GAB2: variants seen among roughly 807,000 people sequenced by gnomAD.
The protein encoded by GAB2 is GRB2 associated binding protein 2.
Under a neutral mutation model 65.5 loss-of-function variants are expected in GAB2, and 26 were observed. The observed-to-expected ratio is 0.40, with a 90% confidence interval of 0.29 to 0.55. The LOEUF is 0.55. Ranked by LOEUF, GAB2 falls within the 20% of genes least tolerant of loss-of-function variation. The pLI is 0.53. For missense variants in GAB2, 884 were observed against 875.8 expected (o/e 1.01, Z -0.12); for synonymous variants, 321 against 329.6 (o/e 0.97, Z 0.28).
rs1565181791 is a variant in GAB2 at position 78,388,953 on chromosome 11, C to A, written c.75+28693G>T. Reference sequence around the variant, plus strand: ...AGAAATGAACTAGGGATGTATTGGTCAGAAAAGATCTTTCTCCTAGAAATC... The same window carrying A: ...AGAAATGAACTAGGGATGTATTGGTAAGAAAAGATCTTTCTCCTAGAAATC... On this transcript the variant is annotated intron_variant, in intron 1 of 9. Coordinates refer to ENST00000361507, the MANE Select transcript of GAB2 (RefSeq NM_080491.3). Among the ~76,000 whole-genome samples, 3 of 152,154 alleles carry A rather than the reference C, an allele frequency of 2.0e-5. No homozygotes were observed. The South Asian group carries it at 6.2e-4, about 32-fold the overall frequency.
chr11:78,238,477 T>C (rs1865046761), intron 3 of GAB2, among the ~76,000 whole-genome samples: 1 of 148,312 alleles, frequency 6.7e-6, no homozygotes, highest in South Asian at 2.1e-4. Flanking sequence ...ACTGAGACCC[T>C]GTCTCTTAAA....
chr11:78,292,367 T>C (rs1387576123), intron 1 of GAB2, among the ~76,000 whole-genome samples: 1 of 152,226 alleles, frequency 6.6e-6, no homozygotes, highest in African/African-American at 2.4e-5. Flanking sequence ...TCAGAAAAGA[T>C]GATTTGAGAC....
At chr11:78,282,290 C>T (rs998499761) in intron 1 of GAB2, among the ~76,000 whole-genome samples, 1 of 151,780 alleles carries the variant, frequency 6.6e-6, no homozygotes, top group Non-Finnish European at 1.5e-5. Context: ...CTATGCTTTA[C>T]CATTGACTGG....
chr11:78,358,887 C>T (rs1041946813), intron 1 of GAB2, among the ~76,000 whole-genome samples: 2 of 151,720 alleles, frequency 1.3e-5, no homozygotes, highest in African/African-American at 2.4e-5. Context: ...AATTAGCAAA[C>T]GAGAGTATAA....
intron 3 of GAB2, among the ~76,000 whole-genome samples, chr11:78,238,562 A>G (rs1160320706): frequency 1.3e-5 from 2 of 151,924 alleles, no homozygotes; most frequent in African/African-American, 4.8e-5. Context: ...AACACATAGA[A>G]CTGGAAAACT....
intron 1 of GAB2, among the ~76,000 whole-genome samples, chr11:78,343,517 T>C (rs960242446): frequency 1.3e-5 from 2 of 152,170 alleles, no homozygotes; most frequent in South Asian, 2.1e-4. Flanking sequence ...AAGATGGAAA[T>C]AGATGGGATT....
intron 1 of GAB2, among the ~76,000 whole-genome samples, chr11:78,310,403 C>T (rs1430703232): frequency 2.0e-5 from 3 of 149,378 alleles, no homozygotes; most frequent in Non-Finnish European, 3.0e-5. Flanking sequence ...GTCCCAGCTA[C>T]TCGGGAGGCT....
chr11:78,355,962 C>G (rs1856352970), intron 1 of GAB2, among the ~76,000 whole-genome samples: 1 of 151,786 alleles, frequency 6.6e-6, no homozygotes, highest in East Asian at 1.9e-4. Context: ...CACTTGAGGT[C>G]AGGAGTTCAA....
chr11:78,259,096 C>G (rs966850883), intron 2 of GAB2, among the ~76,000 whole-genome samples: 3 of 152,086 alleles, frequency 2.0e-5, no homozygotes, highest in Non-Finnish European at 2.9e-5. Context: ...CATCATTTAG[C>G]TCCCACTTAT....
chr11:78,306,296 C>A (rs544275607), intron 1 of GAB2, among the ~76,000 whole-genome samples: 175 of 152,038 alleles, frequency 1.2e-3, no homozygotes, highest in African/African-American at 4.0e-3. Flanking sequence ...AGTGGTGCGC[C>A]CTTGGCTCAC....
intron 1 of GAB2, among the ~76,000 whole-genome samples, chr11:78,330,112 GACCTCCCAT>G (rs918067054): frequency 6.6e-6 from 1 of 152,196 alleles, no homozygotes; most frequent in African/African-American, 2.4e-5. Context: ...TCTCAAGTCT[GACCTCCCAT>G]ACCCGAGACC....
intron 2 of GAB2, among the ~76,000 whole-genome samples, chr11:78,263,986 G>T (rs1590978330): frequency 1.3e-5 from 2 of 151,690 alleles, no homozygotes; most frequent in Non-Finnish European, 2.9e-5. Context: ...TAAGGAAAAT[G>T]AGAACAGCTT....
chr11:78,320,260 C>T (rs1855697760), intron 1 of GAB2, among the ~76,000 whole-genome samples: 1 of 152,136 alleles, frequency 6.6e-6, no homozygotes, highest in Non-Finnish European at 1.5e-5. Flanking sequence ...AGGATTTGAG[C>T]TCTTTGGCTC....
At chr11:78,362,297 T>C (rs1856444523) in intron 1 of GAB2, among the ~76,000 whole-genome samples, 1 of 152,168 alleles carries the variant, frequency 6.6e-6, no homozygotes, top group African/African-American at 2.4e-5. Context: ...TCTCACAGTA[T>C]ACTTTTCAAA....
At chr11:78,370,318 C>A (rs1266848085) in intron 1 of GAB2, among the ~76,000 whole-genome samples, 1 of 151,230 alleles carries the variant, frequency 6.6e-6, no homozygotes, top group African/African-American at 2.4e-5. Context: ...TACGGAACTA[C>A]ACTCATGGTT....
chr11:78,329,191 A>C (rs1855874150), intron 1 of GAB2, among the ~76,000 whole-genome samples: 1 of 152,136 alleles, frequency 6.6e-6, no homozygotes, highest in African/African-American at 2.4e-5. Context: ...GAAATTTTTC[A>C]TTTAAAAATG....
chr11:78,256,926 C>T (rs1865609835), intron 2 of GAB2, among the ~76,000 whole-genome samples: 2 of 152,140 alleles, frequency 1.3e-5, no homozygotes, highest in African/African-American at 4.8e-5. Flanking sequence ...GGTTTCTAGA[C>T]TCCTGGCCTG....
chr11:78,291,095 T>A (rs1866654618), intron 1 of GAB2, among the ~76,000 whole-genome samples: 1 of 151,996 alleles, frequency 6.6e-6, no homozygotes, highest in African/African-American at 2.4e-5. Context: ...CAGGATTTGT[T>A]TGTTGACTCC....
chr11:78,381,786 A>G (rs1208667042), intron 1 of GAB2, among the ~76,000 whole-genome samples: 1 of 152,246 alleles, frequency 6.6e-6, no homozygotes, highest in Non-Finnish European at 1.5e-5. Context: ...AGTCACCATG[A>G]AAAAGAAATA....
Sources: gnomAD v4.1 joint callset for allele counts (sites outside exome capture counted in the v4.1 genomes callset) on GRCh38, gnomAD v4.1.1 for gene constraint, MANE v1.5 for transcripts, NCBI Gene and HGNC (gene_info 2026-07-23, HGNC 2026-07-21) for gene names.